The following FNBP1 variants were observed in gnomAD, a reference collection of about 807,000 sequenced individuals.
The protein encoded by FNBP1 is formin binding protein 1.
FNBP1 carries 26 observed loss-of-function variants against 90.6 expected under a neutral mutation model. That is an observed-to-expected ratio of 0.29 (90% confidence interval 0.21 to 0.40). FNBP1 has a LOEUF of 0.40. FNBP1 is among the 10% of genes least tolerant of loss of function. The probability of loss-of-function intolerance (pLI) is 1.00; values close to 1 mark genes in which losing one functional copy is unlikely to be tolerated. For synonymous variants in FNBP1, 260 were observed against 265.2 expected (o/e 0.98, Z 0.19); for missense variants, 635 against 768.0 (o/e 0.83, Z 2.05).
chr9:129,919,192 T>C, intron 10 of FNBP1: 2 of 1,303,624 alleles, frequency 1.5e-6, no homozygotes, highest in Non-Finnish European at 1.0e-6. Context: ...CATACGTGGG[T>C]TTCCCTATCG....
intron 1 of FNBP1, among the ~76,000 whole-genome samples, chr9:130,010,432 A>G (rs1292884996): frequency 6.6e-6 from 1 of 152,134 alleles, no homozygotes; most frequent in Non-Finnish European, 1.5e-5. Context: ...TACTTTTTGT[A>G]TTTTTAGTAG....
At chr9:129,970,023 G>C (rs919658138) in intron 4 of FNBP1, among the ~76,000 whole-genome samples, 21 of 150,356 alleles carry the variant, frequency 1.4e-4, no homozygotes, top group African/African-American at 4.6e-4. Context: ...TGAGTAGCTG[G>C]GACTACAGGC....
chr9:129,957,452 A>C lies in FNBP1; in HGVS notation c.421T>G (p.Phe141Val). 1 of 1,613,102 alleles carries C rather than the reference A, an allele frequency of 6.2e-7. No homozygotes were observed. Among genetic ancestry groups the C allele is most frequent in the Non-Finnish European group, 8.5e-7 (1 of 1,179,162 alleles). The change falls in exon 6 of 17, where the codon TTT becomes GTT. Residue 141 changes from phenylalanine (F) to valine (V), a missense_variant. By Grantham distance (50) the Phe-to-Val change is conservative. Coordinates refer to ENST00000446176, the MANE Select transcript of FNBP1 (RefSeq NM_015033.3). This position sits in a 1 kb window ranked among gnomAD's most constrained non-coding sequence, Gnocchi z 4.3. ...TCCGCCTCTTTGCAATCGCGTTCAA[A>C]TCGCCTTTTACTCTAAAATCAGAGG... ...WKQLESSKRR[F>V]ERDCKEADRA...
upstream of FNBP1, among the ~76,000 whole-genome samples, chr9:130,043,389 C>T (rs1677339366): frequency 2.6e-5 from 4 of 152,258 alleles, no homozygotes; most frequent in South Asian, 8.3e-4. Context: ...CGGCGGGACC[C>T]GGATCCCTAG....
chr9:130,043,134 G>GCGGCTCCTCCTCCCCGC lies in FNBP1; in HGVS notation c.-176_-160dup, dbSNP rs2059991197. On this transcript the variant is annotated 5_prime_UTR_variant, in exon 1 of 17. Coordinates refer to ENST00000446176, the MANE Select transcript of FNBP1 (RefSeq NM_015033.3). ...CAGCTCCTCGCCCGGGGTCTCCTCG[G>GCGGCTCCTCCTCCCCGC]CGGCTCCTCCTCCCCGCCGCTCCAC... 2 of 530,802 alleles carry GCGGCTCCTCCTCCCCGC rather than the reference G, an allele frequency of 3.8e-6. No individual in the cohort carries two copies. Among genetic ancestry groups the GCGGCTCCTCCTCCCCGC allele is most frequent in the East Asian group, 7.2e-5 (2 of 27,830 alleles). The allele number at this position is 530,802 out of a possible 1,614,324, so 32.9% of individuals were successfully genotyped here. A position where few individuals can be genotyped will look rare whatever the true frequency, so the allele number is the denominator to read the frequency against.
At chr9:129,979,248 T>C in intron 3 of FNBP1, 70 bp downstream of exon 3, 2 of 860,412 alleles carry the variant, frequency 2.3e-6, no homozygotes, top group East Asian at 2.5e-5. Context: ...TAGACATGTA[T>C]TTCTCCTTTC....
intron 10 of FNBP1, chr9:129,919,317 TG>T (rs1473032981): frequency 3.0e-6 from 2 of 669,876 alleles, no homozygotes; most frequent in Non-Finnish European, 4.6e-6. Context: ...GACAAACAAC[TG>T]GTAAGGATTT....
the FNBP1 span, among the ~76,000 whole-genome samples, chr9:130,048,491 CTTTTT>C: frequency 9.5e-6 from 1 of 105,088 alleles, no homozygotes; most frequent in South Asian, 3.3e-4. Context: ...CCTCAGTTTC[CTTTTT>C]TTTTTTTTTG....
At chr9:129,988,872 C>A (rs79535844) in intron 2 of FNBP1, among the ~76,000 whole-genome samples, 10,040 of 152,148 alleles carry the variant, frequency 0.066, 441 homozygotes, top group Admixed American at 0.12. Flanking sequence ...CAAAGTCTCA[C>A]GTTTATGTCT....
chr9:129,968,250 C>T (rs1443032383), intron 4 of FNBP1, among the ~76,000 whole-genome samples: 1 of 151,916 alleles, frequency 6.6e-6, no homozygotes, highest in African/African-American at 2.4e-5. Flanking sequence ...CAAAAATTAG[C>T]TAGGTGTGGT....
Position 129,929,577 on chromosome 9 carries a change from T to G in FNBP1, c.632A>C (p.Asn211Thr), listed in dbSNP as rs1361585048. Reference sequence around the variant, plus strand: ...ATGTTCAGGACTTACCTGGAAGATGTTGGGGATGTGAGTATGGTAATATTC... The same window carrying G: ...ATGTTCAGGACTTACCTGGAAGATGGTGGGGATGTGAGTATGGTAATATTC... ...QHEYYHTHIPNIFQKIQEMEE... is the reference protein window; with the variant it reads ...QHEYYHTHIPTIFQKIQEMEE... Residue 211 changes from asparagine to threonine, a missense_variant, in exon 7 of 17, where the codon AAC (asparagine) becomes ACC (threonine). Asn to Thr is a moderately conservative substitution (Grantham distance 65). Coordinates refer to ENST00000446176, the MANE Select transcript of FNBP1 (RefSeq NM_015033.3). 6.2e-7 allele frequency: 1 copy of G among 1,613,500 alleles called. No homozygotes were observed. The highest frequency in any genetic ancestry group is 1.7e-5 in the Admixed American group (1 of 59,976).
intron 1 of FNBP1, among the ~76,000 whole-genome samples, chr9:129,995,479 G>A (rs1322090877): frequency 6.6e-6 from 1 of 152,190 alleles, no homozygotes; most frequent in Non-Finnish European, 1.5e-5. Flanking sequence ...AACAGTGCCT[G>A]GAGCTGGGGA....
chr9:129,914,766 TATA>T (rs2039977621), intron 11 of FNBP1: 1 of 92,946 alleles, frequency 1.1e-5, no homozygotes, highest in African/African-American at 4.3e-5. Context: ...TCTATATATA[TATA>T]TATATATATA....
At chr9:130,024,149 T>A (rs2058116799) in intron 1 of FNBP1, among the ~76,000 whole-genome samples, 1 of 152,006 alleles carries the variant, frequency 6.6e-6, no homozygotes, top group Non-Finnish European at 1.5e-5. Flanking sequence ...CTCATGCCTG[T>A]AAGTAATCCC....
intron 4 of FNBP1, among the ~76,000 whole-genome samples, chr9:129,965,025 CA>C (rs1276741527): frequency 6.6e-6 from 1 of 152,162 alleles, no homozygotes; most frequent in Non-Finnish European, 1.5e-5. Flanking sequence ...ATGCCTGTGA[CA>C]AATCCTGTTT....
intron 1 of FNBP1, among the ~76,000 whole-genome samples, chr9:130,001,107 CG>C (rs1347224639): frequency 6.6e-6 from 1 of 151,782 alleles, no homozygotes; most frequent in African/African-American, 2.4e-5. Flanking sequence ...CCGAGGCAGG[CG>C]GATGACAAGG....
At chr9:129,963,457 G>A (rs959948342) in intron 4 of FNBP1, among the ~76,000 whole-genome samples, 2 of 152,056 alleles carry the variant, frequency 1.3e-5, no homozygotes, top group Non-Finnish European at 2.9e-5. Context: ...AAGGCACGGT[G>A]TGCACCTTGA....
chr9:129,964,413 T>C (rs901221412), intron 4 of FNBP1, among the ~76,000 whole-genome samples: 138 of 152,266 alleles, frequency 9.1e-4, no homozygotes, highest in African/African-American at 3.2e-3. Context: ...TTTTAGTTTC[T>C]TTTAAAACAT....
In FNBP1 at chr9:129,957,505, T is replaced by A; in HGVS notation, c.409-41A>T. ...AATAATTATGAAACCATAAGAGTCCTACGAGAAGATGTAATTTTATCTAAA... is the reference window on the plus strand; with the variant it reads ...AATAATTATGAAACCATAAGAGTCCAACGAGAAGATGTAATTTTATCTAAA... On this transcript the variant is annotated intron_variant, in intron 5 of 16. Coordinates refer to ENST00000446176, the MANE Select transcript of FNBP1 (RefSeq NM_015033.3). This position sits in a 1 kb window ranked among gnomAD's most constrained non-coding sequence, Gnocchi z 4.3. 2.2e-6 allele frequency: 3 copies of A among 1,395,110 alleles called. No homozygotes were observed. In the Middle Eastern group the frequency reaches 5.4e-4, roughly 249 times the overall value. 86.4% of individuals were successfully genotyped at this position (1,395,110 alleles called of 1,614,324 possible).
Sources: allele counts gnomAD v4.1 joint callset (sites outside exome capture counted in the v4.1 genomes callset), GRCh38; gene constraint gnomAD v4.1.1; non-coding constraint Gnocchi (gnomAD v3.1); transcripts MANE v1.5; gene names NCBI Gene and HGNC (gene_info 2026-07-23, HGNC 2026-07-21).